SLC38A10: variants seen among roughly 807,000 people sequenced by gnomAD.
The protein encoded by SLC38A10 is solute carrier family 38 member 10.
In SLC38A10, 53 loss-of-function variants were observed where a neutral mutation model predicts 81.0. The observed-to-expected ratio is 0.65, with a 90% CI of 0.53 to 0.82. SLC38A10 has a LOEUF of 0.82. Among genes scored for constraint, SLC38A10 ranks in the 40% least tolerant of loss-of-function variants. The pLI is 0.00. For synonymous variants in SLC38A10, 665 were observed against 655.3 expected (o/e 1.01, Z -0.23); for missense variants, 1,471 against 1,545.0 (o/e 0.95, Z 0.80).
At chr17:81,257,130 C>CT (rs889034189) in intron 11 of SLC38A10, among the ~76,000 whole-genome samples, 27 of 152,222 alleles carry the variant, frequency 1.8e-4, no homozygotes, top group South Asian at 4.1e-4. Flanking sequence ...AGAAAGTTTT[C>CT]TTTTTAAGAG....
At chr17:81,262,925 A>AAT (rs1176613243) in intron 10 of SLC38A10, 1 of 152,276 alleles carries the variant, frequency 6.6e-6, no homozygotes, top group Non-Finnish European at 1.5e-5. Context: ...TGAGCTTAAA[A>AAT]ATCACATGCA....
intron 10 of SLC38A10, among the ~76,000 whole-genome samples, chr17:81,262,444 C>T (rs1242163788): frequency 2.0e-5 from 3 of 152,224 alleles, no homozygotes; most frequent in African/African-American, 4.8e-5. Context: ...AATCCTGCCC[C>T]GCAAGGCAGC....
At chr17:81,256,127 A>T (rs2062970342) in intron 11 of SLC38A10, among the ~76,000 whole-genome samples, 1 of 152,196 alleles carries the variant, frequency 6.6e-6, no homozygotes, top group African/African-American at 2.4e-5. Context: ...CACCCACAAA[A>T]ACACACACCT....
chr17:81,257,381 C>T (rs1209475768), intron 11 of SLC38A10, among the ~76,000 whole-genome samples: 1 of 152,182 alleles, frequency 6.6e-6, no homozygotes, highest in Non-Finnish European at 1.5e-5. Flanking sequence ...CAGGTGTGAG[C>T]TGCTGTACCG....
rs768507979 is a variant in SLC38A10 at position 81,289,866 on chromosome 17, C to G, written c.100-58G>C. ...GCAGCAGGTGCTCCCCAGAGGCCCTCACCCCACACACGCGGCTCATGAGGA... is the reference window on the plus strand; with the variant it reads ...GCAGCAGGTGCTCCCCAGAGGCCCTGACCCCACACACGCGGCTCATGAGGA... On this transcript the variant is annotated intron_variant, in intron 1 of 15. Coordinates refer to ENST00000374759, the MANE Select transcript of SLC38A10 (RefSeq NM_001037984.3). This position sits in a 1 kb window ranked among gnomAD's most constrained non-coding sequence, Gnocchi z 5.9. 7.2e-7 allele frequency: 1 copy of G among 1,392,506 alleles called. No individual in the cohort carries two copies. The highest frequency in any genetic ancestry group is 9.7e-7 in the Non-Finnish European group (1 of 1,028,382). 86.3% of individuals were successfully genotyped at this position (1,392,506 alleles called of 1,614,324 possible).
rs759579645 is a variant in SLC38A10 at position 81,251,547 on chromosome 17, C to T, written c.2011G>A (p.Glu671Lys). The stretch of plus-strand genomic sequence containing the variant: ...CCCGCTCGCTCCACGTCCCTCTGCT[C>T]GCGAGGCTCGGGCGGCAGCCCAGGC... Reference protein sequence around the residue: ...PGPGLPPEPREQRDVERAGGN... With the variant: ...PGPGLPPEPRKQRDVERAGGN... Residue 671 changes from glutamate (E) to lysine (K), a missense_variant, in exon 14 of 16, where the codon GAG becomes AAG. Physicochemically the swap from Glu to Lys is moderately conservative, Grantham distance 56. Transcript: ENST00000374759. 42 of 1,527,910 alleles carry T rather than the reference C, an allele frequency of 2.7e-5. No homozygotes were observed. The highest frequency in any genetic ancestry group is 6.9e-5 in the African/African-American group (5 of 72,258). The allele number at this position is 1,527,910 out of a possible 1,614,324, so 94.6% of individuals were successfully genotyped here. A position where few individuals can be genotyped will look rare whatever the true frequency, so the allele number is the denominator to read the frequency against.
intron 14 of SLC38A10, 69 bp from the exon 15 acceptor site, chr17:81,247,130 C>T (rs555214545): frequency 4.0e-5 from 59 of 1,473,814 alleles, no homozygotes; most frequent in African/African-American, 3.3e-4. Context: ...AGGGACGGCG[C>T]GGCCCACAGC....
At chr17:81,285,635 C>T (rs2063259433) in intron 2 of SLC38A10, 2 of 152,266 alleles carry the variant, frequency 1.3e-5, no homozygotes, top group South Asian at 2.1e-4. Flanking sequence ...TGGTGACCCC[C>T]GCGCTTCCCC....
intron 8 of SLC38A10, 80 bp downstream of exon 8, chr17:81,275,889 G>A: frequency 1.4e-6 from 2 of 1,457,140 alleles, no homozygotes; most frequent in South Asian, 1.4e-5. Context: ...CTATATCTCT[G>A]GTTCGGGACA....
chr17:81,262,850 T>C (rs2063035492), intron 10 of SLC38A10: 2 of 152,256 alleles, frequency 1.3e-5, no homozygotes, highest in African/African-American at 4.8e-5. Context: ...AAAACATCCA[T>C]GGAGACTGAT....
chr17:81,269,574 G>A (rs556346589), intron 10 of SLC38A10, among the ~76,000 whole-genome samples: 4 of 152,296 alleles, frequency 2.6e-5, no homozygotes, highest in Admixed American at 6.5e-5. Flanking sequence ...CCAGAATGCC[G>A]GAGGACCTTT....
At chr17:81,267,070 T>TGCAACTAACATGCAACTAACAC (rs2063076736) in intron 10 of SLC38A10, among the ~76,000 whole-genome samples, 2 of 79,374 alleles carry the variant, frequency 2.5e-5, no homozygotes, top group South Asian at 2.4e-4. Flanking sequence ...GCAACTAACA[T>TGCAACTAACATGCAACTAACAC]GCAACTAACA....
Position 81,276,923 on chromosome 17 carries a change from C to G in SLC38A10, c.729+108G>C. ...ACTGGGATGGGAACAGAGAGAAAAA[C>G]CCAGCAGCACACAGGGCCAGGGCCA... On this transcript the variant is annotated intron_variant, in intron 7 of 15. Coordinates refer to ENST00000374759, the MANE Select transcript of SLC38A10 (RefSeq NM_001037984.3). The surrounding 1 kb of genome is among the most constrained non-coding windows in gnomAD (Gnocchi z 4.7). 1.7e-6 allele frequency: 2 copies of G among 1,143,146 alleles called. No homozygotes were observed. The highest frequency in any genetic ancestry group is 2.6e-6 in the Non-Finnish European group (2 of 770,260). 70.8% of individuals were successfully genotyped at this position (1,143,146 alleles called of 1,614,324 possible).
At chr17:81,261,466 C>A (rs1010104802) in intron 10 of SLC38A10, among the ~76,000 whole-genome samples, 2 of 152,216 alleles carry the variant, frequency 1.3e-5, no homozygotes, top group Non-Finnish European at 2.9e-5. Context: ...GTCTCAGAGC[C>A]AGAACTCAAA....
At chr17:81,273,867 A>G (rs538889486) in intron 8 of SLC38A10, among the ~76,000 whole-genome samples, 1 of 152,154 alleles carries the variant, frequency 6.6e-6, no homozygotes, top group African/African-American at 2.4e-5. Context: ...GCTTGTAGGG[A>G]CCGTGGAGAA....
intron 11 of SLC38A10, among the ~76,000 whole-genome samples, chr17:81,258,906 G>A (rs1158403886): frequency 3.3e-5 from 5 of 152,206 alleles, no homozygotes; most frequent in Admixed American, 2.0e-4. Context: ...GCACAGCCCC[G>A]CCAGCTGCAC....
chr17:81,250,880 G>T, intron 14 of SLC38A10: 1 of 1,080,336 alleles, frequency 9.3e-7, no homozygotes, highest in African/African-American at 1.6e-5. Flanking sequence ...TTTGGAGGAG[G>T]ATTCAGAGCA....
chr17:81,272,441 T>C, intron 9 of SLC38A10, 75 bp downstream of exon 9: 2 of 906,886 alleles, frequency 2.2e-6, no homozygotes, highest in Non-Finnish European at 3.3e-6. Flanking sequence ...GCAGGTCTCG[T>C]AACTGTGCAG....
chr17:81,266,128 G>A lies in SLC38A10; in HGVS notation c.1131+4790C>T, dbSNP rs1384184018. Among the ~76,000 whole-genome samples, 5 of 152,182 alleles carry A rather than the reference G, an allele frequency of 3.3e-5. No homozygotes were observed. In the South Asian group the frequency reaches 1.0e-3, roughly 32 times the overall value. On this transcript the variant is annotated intron_variant, in intron 10 of 15. Transcript: ENST00000374759. ...CGCGCCAGCCACTCACACCAGCAGC[G>A]CCGTGGCCACAGGTGTGTGACGCCA...
Sources: allele counts gnomAD v4.1 joint callset (sites outside exome capture counted in the v4.1 genomes callset), GRCh38; gene constraint gnomAD v4.1.1; non-coding constraint Gnocchi (gnomAD v3.1); transcripts MANE v1.5; gene names NCBI Gene and HGNC (gene_info 2026-07-23, HGNC 2026-07-21).